CAMK1D: variants seen among roughly 807,000 people sequenced by gnomAD.
CAMK1D encodes the protein calcium/calmodulin dependent protein kinase ID.
Under a neutral mutation model 47.7 loss-of-function variants are expected in CAMK1D, and 9 were observed. The ratio of observed to expected loss-of-function variants is 0.19; its 90% CI spans 0.11 to 0.33. The LOEUF (loss-of-function observed/expected upper bound fraction) is 0.33. Among genes scored for constraint, CAMK1D ranks in the 10% least tolerant of loss-of-function variants. The pLI is 1.00. For missense variants in CAMK1D, 291 were observed against 488.7 expected (o/e 0.60, Z 3.81); for synonymous variants, 184 against 184.9 (o/e 0.99, Z 0.04).
chr10:12,609,561 G>C (rs1838562442), intron 2 of CAMK1D, among the ~76,000 whole-genome samples: 1 of 152,170 alleles, frequency 6.6e-6, no homozygotes, highest in Non-Finnish European at 1.5e-5. Flanking sequence ...CTCAAAAGGA[G>C]CGTGGAACCC....
intron 1 of CAMK1D, among the ~76,000 whole-genome samples, chr10:12,458,158 C>T (rs79276956): frequency 0.021 from 3,239 of 152,260 alleles, 46 homozygotes; most frequent in Non-Finnish European, 0.03. Flanking sequence ...AAATGCATAC[C>T]GAGCCTCTCC....
chr10:12,611,817 T>C (rs915432581), intron 2 of CAMK1D, among the ~76,000 whole-genome samples: 6 of 152,000 alleles, frequency 3.9e-5, no homozygotes, highest in African/African-American at 1.4e-4. Flanking sequence ...GGTCTGGAAC[T>C]CCTGACCTCA....
intron 1 of CAMK1D, among the ~76,000 whole-genome samples, chr10:12,487,752 GTCTGT>G (rs1452917621): frequency 6.6e-6 from 1 of 152,226 alleles, no homozygotes; most frequent in Middle Eastern, 3.2e-3. Flanking sequence ...TGATTTTTCT[GTCTGT>G]TCTAACAGCA....
chr10:12,696,523 C>T (rs1168988598), intron 3 of CAMK1D, among the ~76,000 whole-genome samples: 1 of 152,128 alleles, frequency 6.6e-6, no homozygotes, highest in Non-Finnish European at 1.5e-5. Context: ...GGCAACAGAG[C>T]GAGACTCCAT....
At chr10:12,828,110 T>C (rs1033902119) in intron 10 of CAMK1D, among the ~76,000 whole-genome samples, 6 of 152,216 alleles carry the variant, frequency 3.9e-5, no homozygotes, top group Non-Finnish European at 8.8e-5. Context: ...TTATAAGAAG[T>C]GGACAATTCG....
chr10:12,421,138 A>C (rs1840035176), intron 1 of CAMK1D, among the ~76,000 whole-genome samples: 1 of 152,146 alleles, frequency 6.6e-6, no homozygotes, highest in South Asian at 2.1e-4. Context: ...CAAGAAATCT[A>C]AGACTAGGCG....
chr10:12,676,850 T>G (rs1322547639), intron 3 of CAMK1D, among the ~76,000 whole-genome samples: 1 of 152,166 alleles, frequency 6.6e-6, no homozygotes, highest in Non-Finnish European at 1.5e-5. Context: ...TATTTTGTGG[T>G]GGTTTGTGAG....
chr10:12,428,641 A>G (rs148787639), intron 1 of CAMK1D, among the ~76,000 whole-genome samples: 15 of 152,310 alleles, frequency 9.8e-5, no homozygotes, highest in South Asian at 2.1e-4. Flanking sequence ...GCACTGTCCC[A>G]TGTCAGGCTT....
chr10:12,666,959 C>T (rs1840452019), intron 3 of CAMK1D, 149 bp downstream of exon 3: 1 of 646,888 alleles, frequency 1.5e-6, no homozygotes, highest in African/African-American at 1.8e-5. Flanking sequence ...GGCCTGTATC[C>T]AACTAAAGAC....
intron 3 of CAMK1D, among the ~76,000 whole-genome samples, chr10:12,692,172 G>A (rs559991260): frequency 2.0e-5 from 3 of 152,314 alleles, no homozygotes; most frequent in East Asian, 3.9e-4. Flanking sequence ...AGCAGGCATT[G>A]GATGGCGCCT....
At chr10:12,694,519 T>G (rs144093821) in intron 3 of CAMK1D, among the ~76,000 whole-genome samples, 19,837 of 126,740 alleles carry the variant, frequency 0.16, 1,954 homozygotes, top group Non-Finnish European at 0.2. Flanking sequence ...ATATAAAATA[T>G]ATATGATATA....
At chr10:12,477,359 G>T (rs921447883) in intron 1 of CAMK1D, among the ~76,000 whole-genome samples, 5 of 152,180 alleles carry the variant, frequency 3.3e-5, no homozygotes, top group Non-Finnish European at 4.4e-5. Context: ...AGGTTGGAGT[G>T]AGCCAAGATC....
At chr10:12,534,647 T>C (rs1202850483) in intron 1 of CAMK1D, among the ~76,000 whole-genome samples, 3 of 152,316 alleles carry the variant, frequency 2.0e-5, no homozygotes, top group South Asian at 2.1e-4. Flanking sequence ...ATTACAGACA[T>C]GAGCCACAGC....
In CAMK1D at chr10:12,720,480, T is replaced by A. The variant is rs1386256624; in HGVS notation, c.300-40468T>A. On this transcript the variant is annotated intron_variant, in intron 3 of 10. Coordinates refer to ENST00000619168, the MANE Select transcript of CAMK1D (RefSeq NM_153498.4). Reference sequence around the variant, plus strand: ...TCTGTGACCAGTTTCTTCCAACAAGTTACTTCTAGGCATTCCTACTAATCT... The same window carrying A: ...TCTGTGACCAGTTTCTTCCAACAAGATACTTCTAGGCATTCCTACTAATCT... 2.0e-5 allele frequency among the ~76,000 whole-genome samples: 3 copies of A among 152,312 alleles called. No individual in the cohort carries two copies. The East Asian group carries it at 5.8e-4, about 29-fold the overall frequency.
At chr10:12,703,312 G>A (rs1268585067) in intron 3 of CAMK1D, among the ~76,000 whole-genome samples, 7 of 152,156 alleles carry the variant, frequency 4.6e-5, no homozygotes, top group Admixed American at 2.0e-4. Context: ...GAATGGAGTC[G>A]GGTGAAAGAT....
At chr10:12,807,706 G>C (rs17583310) in intron 6 of CAMK1D, among the ~76,000 whole-genome samples, 5,815 of 152,238 alleles carry the variant, frequency 0.038, 141 homozygotes, top group Non-Finnish European at 0.057. Context: ...GTCCATGCTG[G>C]GGACCTTTGA....
At chr10:12,787,572 C>T (rs186978951) in intron 5 of CAMK1D, among the ~76,000 whole-genome samples, 11 of 152,320 alleles carry the variant, frequency 7.2e-5, no homozygotes, top group East Asian at 3.9e-4. Context: ...CTAGGGCATC[C>T]GCCGGGTCTT....
At chr10:12,407,264 A>T (rs960454691) in intron 1 of CAMK1D, among the ~76,000 whole-genome samples, 2 of 152,172 alleles carry the variant, frequency 1.3e-5, no homozygotes, top group African/African-American at 2.4e-5. Flanking sequence ...TGAGGACTGG[A>T]CTCAGTTGCC....
rs1837751380 is a variant in CAMK1D, at chr10:12,363,687, T to TTA, written c.92+13777_92+13778insTA. 8.6e-5 allele frequency among the ~76,000 whole-genome samples: 12 copies of TTA among 139,398 alleles called. No individual in the cohort carries two copies. The South Asian group carries it at 2.5e-3, about 29-fold the overall frequency. The allele number at this position is 139,398 out of a possible 152,430, so 91.5% of individuals were successfully genotyped here. A position where few individuals can be genotyped will look rare whatever the true frequency, so the allele number is the denominator to read the frequency against. ...AAGGTTTTTTTTTTTTTTTTTTTTT[T>TTA]AAACAGAGTTTTGCTTTGTCACCCA... On this transcript the variant is annotated intron_variant, in intron 1 of 10. Transcript: ENST00000619168.
Sources: allele counts gnomAD v4.1 joint callset (sites outside exome capture counted in the v4.1 genomes callset), GRCh38; gene constraint gnomAD v4.1.1; transcripts MANE v1.5; gene names NCBI Gene and HGNC (gene_info 2026-07-23, HGNC 2026-07-21).